The following NAA15 variants were observed in gnomAD, a reference collection of about 807,000 sequenced individuals.
NAA15 encodes the protein N-terminal acetyltransferase.
Under a neutral mutation model 114.0 loss-of-function variants are expected in NAA15, and 34 were observed. The ratio of observed to expected loss-of-function variants is 0.30; its 90% CI spans 0.23 to 0.40. NAA15 has a LOEUF of 0.40. Among genes scored for constraint, NAA15 ranks in the 10% least tolerant of loss-of-function variants. The probability of loss-of-function intolerance (pLI) is 1.00; values close to 1 mark genes in which losing one functional copy is unlikely to be tolerated. For missense variants in NAA15, 658 were observed against 1,004.5 expected (o/e 0.66, Z 4.66); for synonymous variants, 340 against 338.0 (o/e 1.01, Z -0.06).
At position 139,376,394 on chromosome 4, in the gene NAA15, AT is replaced by A; in HGVS notation, c.1982del (p.Leu661Ter). On this transcript the variant is annotated frameshift_variant, in exon 16 of 20. Coordinates refer to ENST00000296543, the MANE Select transcript of NAA15 (RefSeq NM_057175.5). LOFTEE classifies it high-confidence loss of function. Reference sequence around the variant, plus strand: ...AAACTCCATTGGAAGAAGCTATTAAATTTTTAACACCGTTGAAGAACTTGGT... The same window carrying A: ...AAACTCCATTGGAAGAAGCTATTAAATTTTAACACCGTTGAAGAACTTGGT... ...VETPLEEAIK[F>X]LTPLKNLVKN... 1 of 1,611,972 alleles carries A rather than the reference AT, an allele frequency of 6.2e-7. No homozygotes were observed. Among genetic ancestry groups the A allele is most frequent in the Non-Finnish European group, 8.5e-7 (1 of 1,178,326 alleles).
chr4:139,317,948 A>G (rs1746469297), intron 1 of NAA15, among the ~76,000 whole-genome samples: 1 of 152,216 alleles, frequency 6.6e-6, no homozygotes, highest in Non-Finnish European at 1.5e-5. Flanking sequence ...TCTTTCTTCA[A>G]GTGACATAAT....
intron 1 of NAA15, among the ~76,000 whole-genome samples, chr4:139,306,766 A>C (rs1232151453): frequency 6.6e-6 from 1 of 152,166 alleles, no homozygotes; most frequent in Non-Finnish European, 1.5e-5. Flanking sequence ...GTTAGGATCT[A>C]GGTTAAGGGT....
intron 1 of NAA15, among the ~76,000 whole-genome samples, chr4:139,326,929 A>G (rs1235699305): frequency 6.6e-6 from 1 of 152,060 alleles, no homozygotes. Flanking sequence ...ACCAGTTACT[A>G]ATAAATATTT....
At chr4:139,322,951 C>A (rs13107618) in intron 1 of NAA15, among the ~76,000 whole-genome samples, 42,181 of 151,774 alleles carry the variant, frequency 0.28, 6,205 homozygotes, top group African/African-American at 0.37. Context: ...TTGTCCTCCC[C>A]AATAGCTGGG....
chr4:139,378,264 G>A (rs1015753321), intron 16 of NAA15, among the ~76,000 whole-genome samples: 1 of 152,152 alleles, frequency 6.6e-6, no homozygotes, highest in African/African-American at 2.4e-5. Context: ...ATAGCATAGG[G>A]AAAGATCAGA....
At chr4:139,380,949 A>C (rs1748735045) in intron 17 of NAA15, among the ~76,000 whole-genome samples, 1 of 152,224 alleles carries the variant, frequency 6.6e-6, no homozygotes, top group South Asian at 2.1e-4. Flanking sequence ...TCTCAGGAAT[A>C]CATTTGTCAT....
At chr4:139,350,884 G>A (rs893825840) in intron 7 of NAA15, among the ~76,000 whole-genome samples, 3 of 152,068 alleles carry the variant, frequency 2.0e-5, no homozygotes, top group African/African-American at 7.2e-5. Context: ...GAGAAGCTAA[G>A]GAGAATAGTA....
At chr4:139,340,092 C>G (rs1747332336) in intron 3 of NAA15, among the ~76,000 whole-genome samples, 1 of 152,078 alleles carries the variant, frequency 6.6e-6, no homozygotes, top group African/African-American at 2.4e-5. Flanking sequence ...GAGGCCAAGG[C>G]AGGTGTATTG....
intron 1 of NAA15, among the ~76,000 whole-genome samples, chr4:139,332,541 T>C (rs1747049458): frequency 1.3e-5 from 2 of 150,886 alleles, no homozygotes; most frequent in South Asian, 4.2e-4. Flanking sequence ...GTCTTTTTGC[T>C]CTTATACAGT....
intron 10 of NAA15, among the ~76,000 whole-genome samples, chr4:139,354,452 T>C (rs1747876831): frequency 6.6e-6 from 1 of 151,758 alleles, no homozygotes; most frequent in Admixed American, 6.6e-5. Flanking sequence ...ACATGCACCA[T>C]CATGCCAGGC....
intron 1 of NAA15, among the ~76,000 whole-genome samples, chr4:139,305,408 C>G (rs1237093446): frequency 6.7e-6 from 1 of 149,558 alleles, no homozygotes; most frequent in African/African-American, 2.5e-5. Context: ...GCTTCTGTTT[C>G]TTGAGATTTG....
At chr4:139,354,162 A>G in intron 10 of NAA15, 64 bp downstream of exon 10, 1 of 1,332,894 alleles carries the variant, frequency 7.5e-7, no homozygotes, top group South Asian at 1.2e-5. Flanking sequence ...TGAAATTCTT[A>G]ATCAGAAGGT....
At chr4:139,328,021 G>T (rs1240046211) in intron 1 of NAA15, among the ~76,000 whole-genome samples, 7 of 152,018 alleles carry the variant, frequency 4.6e-5, no homozygotes, top group Non-Finnish European at 7.4e-5. Flanking sequence ...ATGAAGAAAG[G>T]TCACTGTAGT....
chr4:139,379,922 G>A (rs933289031), intron 17 of NAA15, among the ~76,000 whole-genome samples: 2 of 152,128 alleles, frequency 1.3e-5, no homozygotes, highest in Admixed American at 6.5e-5. Context: ...GCACATGCCT[G>A]TAGTCCCAGC....
chr4:139,318,541 A>G (rs7673213), intron 1 of NAA15: 33,805 of 152,078 alleles, frequency 0.22, 4,132 homozygotes, highest in South Asian at 0.39. Flanking sequence ...TATTATATCA[A>G]CTTCATAGAG....
intron 3 of NAA15, 85 bp from the exon 4 acceptor site, chr4:139,340,827 G>T: frequency 3.0e-6 from 3 of 1,016,622 alleles, no homozygotes; most frequent in African/African-American, 1.7e-5. Flanking sequence ...TTTTATAAAT[G>T]GCTGTGGTTC....
In NAA15 at chr4:139,376,304, A is replaced by G. The variant is rs1336426685; in HGVS notation, c.1948-61A>G. 4 of 1,065,698 alleles carry G rather than the reference A, an allele frequency of 3.8e-6. No homozygotes were observed. The East Asian group carries it at 9.7e-5, about 26-fold the overall frequency. 66.0% of individuals were successfully genotyped at this position (1,065,698 alleles called of 1,614,324 possible). A position where few individuals can be genotyped will look rare whatever the true frequency, so the allele number is the denominator to read the frequency against. ...TTTAAAAATAAGAATTTTTAGTAGA[A>G]TAAAATCACATTCCCCAAGAACCTT... On this transcript the variant is annotated intron_variant, in intron 15 of 19. Transcript: ENST00000296543.
rs770232923 is a variant in NAA15 at position 139,370,428 on chromosome 4, C to T, written c.1947+24C>T. 4.6e-5 allele frequency: 70 copies of T among 1,509,384 alleles called. 1 individual carries two copies. In the South Asian group the frequency reaches 6.9e-4, roughly 15 times the overall value. The allele number at this position is 1,509,384 out of a possible 1,614,324, so 93.5% of individuals were successfully genotyped here. Reference sequence around the variant, plus strand: ...AGGTACTTAATAATAGTGTTTAGCACAATTGAGTGACATTTTATGACCAGC... The same window carrying T: ...AGGTACTTAATAATAGTGTTTAGCATAATTGAGTGACATTTTATGACCAGC... On this transcript the variant is annotated intron_variant, in intron 15 of 19. Transcript: ENST00000296543.
chr4:139,353,497 C>T (rs1221990322), intron 9 of NAA15, among the ~76,000 whole-genome samples: 3 of 152,070 alleles, frequency 2.0e-5, no homozygotes, highest in African/African-American at 7.2e-5. Context: ...AAGCCAGGAG[C>T]GAGTAGTATA....
Sources: gnomAD v4.1 joint callset for allele counts (sites outside exome capture counted in the v4.1 genomes callset) on GRCh38, gnomAD v4.1.1 for gene constraint, MANE v1.5 for transcripts, NCBI Gene and HGNC (gene_info 2026-07-23, HGNC 2026-07-21) for gene names.